COP1: variants seen among roughly 807,000 people sequenced by gnomAD.
The protein encoded by COP1 is E3 ubiquitin-protein ligase COP1.
COP1 carries 24 observed loss-of-function variants against 101.3 expected under a neutral mutation model. The observed-to-expected ratio is 0.24, with a 90% CI of 0.17 to 0.33. COP1 has a LOEUF of 0.33. Among genes scored for constraint, COP1 ranks in the 10% least tolerant of loss-of-function variants. The probability of loss-of-function intolerance (pLI) is 1.00; values close to 1 mark genes in which losing one functional copy is unlikely to be tolerated. For missense variants in COP1, 663 were observed against 906.2 expected (o/e 0.73, Z 3.45); for synonymous variants, 347 against 341.9 (o/e 1.01, Z -0.17).
chr1:176,091,576 T>C (rs1681319914), intron 9 of COP1, among the ~76,000 whole-genome samples: 1 of 152,090 alleles, frequency 6.6e-6, no homozygotes, highest in African/African-American at 2.4e-5. Flanking sequence ...GTGAAAAAAG[T>C]TGCATTCTGG....
rs1699453879 is a variant in COP1, at chr1:176,194,552, C to T, written c.408-9860G>A. On this transcript the variant is annotated intron_variant, in intron 1 of 19. Coordinates refer to ENST00000367669, the MANE Select transcript of COP1 (RefSeq NM_022457.7). ...ACTAGGGAGGCTGAGGCAGGAGAATCACTCGAACCCAAGAGGAGGAAGTTG... is the reference window on the plus strand; with the variant it reads ...ACTAGGGAGGCTGAGGCAGGAGAATTACTCGAACCCAAGAGGAGGAAGTTG... Among the ~76,000 whole-genome samples, 6 of 152,072 alleles carry T rather than the reference C, an allele frequency of 3.9e-5. No homozygotes were observed. In the South Asian group the frequency reaches 1.2e-3, roughly 32 times the overall value.
At chr1:175,997,169 A>G (rs1319887571) in intron 15 of COP1, among the ~76,000 whole-genome samples, 1 of 150,512 alleles carries the variant, frequency 6.6e-6, no homozygotes, top group African/African-American at 2.4e-5. Context: ...TATTTAATAA[A>G]TGGTGCTGGG....
At position 176,028,201 on chromosome 1, in the gene COP1, T is replaced by C. The variant is rs556597159; in HGVS notation, c.1613-513A>G. ...TCTGGGTGGGGACACAGCCAAACCA[T>C]ATCACTGAATGACTGAATAACAGAA... On this transcript the variant is annotated intron_variant, in intron 14 of 19. Transcript: ENST00000367669. Among the ~76,000 whole-genome samples, 11 of 152,148 alleles carry C rather than the reference T, an allele frequency of 7.2e-5. No homozygotes were observed. In the East Asian group the frequency reaches 1.7e-3, roughly 24 times the overall value.
rs907496946 is a variant in COP1 at position 176,058,755 on chromosome 1, A to T, written c.1278-12431T>A. On this transcript the variant is annotated intron_variant, in intron 11 of 19. Coordinates refer to ENST00000367669, the MANE Select transcript of COP1 (RefSeq NM_022457.7). ...CGAGAAACACCCAAGAATGATCAAT[A>T]AAAAAAAAAAAAAAAAAGAATGTGA... is the stretch of plus-strand genomic sequence containing the variant. 3.9e-4 allele frequency among the ~76,000 whole-genome samples: 37 copies of T among 95,844 alleles called. No homozygotes were observed. The East Asian group carries it at 3.9e-3, about 10-fold the overall frequency. 62.9% of individuals were successfully genotyped at this position (95,844 alleles called of 152,430 possible).
At chr1:176,203,139 C>T (rs1700453335) in intron 1 of COP1, among the ~76,000 whole-genome samples, 1 of 151,778 alleles carries the variant, frequency 6.6e-6, no homozygotes, top group South Asian at 2.1e-4. Flanking sequence ...AGATCGAGAC[C>T]ATCCTGGCTA....
intron 11 of COP1, among the ~76,000 whole-genome samples, chr1:176,058,083 TGGGGAGGTCAGCCCCC>T (rs1674005733): frequency 1.5e-5 from 1 of 65,474 alleles, no homozygotes; most frequent in African/African-American, 4.9e-5. Context: ...GGGAGGGAGG[TGGGGAGGTCAGCCCCC>T]GCCCGGCCAG....
chr1:176,050,587 C>T (rs1367176434), intron 11 of COP1, among the ~76,000 whole-genome samples: 2 of 152,078 alleles, frequency 1.3e-5, no homozygotes, highest in East Asian at 1.9e-4. Context: ...ACAAAATATA[C>T]GTTTAGAAAC....
intron 8 of COP1, among the ~76,000 whole-genome samples, 181 bp from the exon 9 acceptor site, chr1:176,116,862 G>T (rs1686273961): frequency 1.3e-5 from 2 of 152,110 alleles, no homozygotes; most frequent in Non-Finnish European, 2.9e-5. Flanking sequence ...AAATATTTAA[G>T]CAATTTACCA....
intron 18 of COP1, among the ~76,000 whole-genome samples, chr1:175,950,163 G>A (rs1410736761): frequency 6.6e-6 from 1 of 151,498 alleles, no homozygotes; most frequent in Non-Finnish European, 1.5e-5. Context: ...GCTATCCAAG[G>A]GTTAACTCTT....
At chr1:176,009,315 T>C (rs1210293143) in intron 15 of COP1, among the ~76,000 whole-genome samples, 1 of 152,220 alleles carries the variant, frequency 6.6e-6, no homozygotes, top group Non-Finnish European at 1.5e-5. Context: ...AATATTCTAA[T>C]ATTTCACAAT....
chr1:176,174,845 C>G (rs939913827), intron 3 of COP1, among the ~76,000 whole-genome samples: 3 of 152,126 alleles, frequency 2.0e-5, no homozygotes, highest in Non-Finnish European at 4.4e-5. Context: ...CCTACTCATA[C>G]CTGAAAATTA....
intron 6 of COP1, among the ~76,000 whole-genome samples, chr1:176,148,800 T>C (rs560836262): frequency 2.0e-5 from 3 of 152,278 alleles, no homozygotes; most frequent in African/African-American, 7.2e-5. Context: ...TGATAACTTT[T>C]CAGCACATCT....
chr1:175,952,837 A>C (rs1650120548), intron 18 of COP1, among the ~76,000 whole-genome samples: 1 of 152,134 alleles, frequency 6.6e-6, no homozygotes, highest in Admixed American at 6.6e-5. Context: ...GGATCTCTTG[A>C]GCCTAGGAGT....
intron 14 of COP1, among the ~76,000 whole-genome samples, chr1:176,040,744 T>G (rs376141394): frequency 2.0e-5 from 3 of 152,372 alleles, no homozygotes; most frequent in Middle Eastern, 6.8e-3. Flanking sequence ...GAATAGACTG[T>G]GCTCCATTAT....
chr1:176,034,736 T>C (rs1234766160), intron 14 of COP1, among the ~76,000 whole-genome samples: 1 of 152,192 alleles, frequency 6.6e-6, no homozygotes, highest in Non-Finnish European at 1.5e-5. Context: ...GAGCAGCAAA[T>C]GCTTTGCGCA....
At chr1:176,108,973 G>A (rs570616630) in intron 9 of COP1, among the ~76,000 whole-genome samples, 22 of 152,084 alleles carry the variant, frequency 1.4e-4, no homozygotes, top group Non-Finnish European at 2.6e-4. Context: ...TTAGCTGGGC[G>A]CGGTGGTGCG....
chr1:176,096,965 T>A (rs1226970510), intron 9 of COP1, among the ~76,000 whole-genome samples: 1 of 152,190 alleles, frequency 6.6e-6, no homozygotes, highest in Non-Finnish European at 1.5e-5. Context: ...GAATGAGTCC[T>A]TTTTGGTTTG....
At chr1:176,196,576 T>G (rs1231605176) in intron 1 of COP1, among the ~76,000 whole-genome samples, 1 of 152,108 alleles carries the variant, frequency 6.6e-6, no homozygotes, top group African/African-American at 2.4e-5. Context: ...AGAAATTGAA[T>G]TAGTAATTAA....
chr1:176,007,341 GC>G (rs1663534989), intron 15 of COP1, among the ~76,000 whole-genome samples: 2 of 152,120 alleles, frequency 1.3e-5, no homozygotes, highest in African/African-American at 4.8e-5. Context: ...TCTTCTCTCA[GC>G]TCGTCAAAGT....
Sources: gnomAD v4.1 joint callset for allele counts (sites outside exome capture counted in the v4.1 genomes callset) on GRCh38, gnomAD v4.1.1 for gene constraint, MANE v1.5 for transcripts, NCBI Gene and HGNC (gene_info 2026-07-23, HGNC 2026-07-21) for gene names.